The following TUSC3 variants were observed in gnomAD, a reference collection of about 807,000 sequenced individuals.
TUSC3 encodes dolichyl-diphosphooligosaccharide--protein glycosyltransferase subunit TUSC3.
Under a neutral mutation model 44.8 loss-of-function variants are expected in TUSC3, and 45 were observed. The ratio of observed to expected loss-of-function variants is 1.00; its 90% confidence interval spans 0.79 to 1.29. The LOEUF (loss-of-function observed/expected upper bound fraction) is 1.29, where lower values mean the gene tolerates loss of function less well. Ranked by LOEUF, TUSC3 falls within the 50% of genes most tolerant of loss-of-function variation. The pLI, the probability that TUSC3 is intolerant of heterozygous loss-of-function variation, is 0.00. For synonymous variants in TUSC3, 212 were observed against 152.9 expected (o/e 1.39, Z -2.85); for missense variants, 519 against 437.9 (o/e 1.19, Z -1.65).
chr8:15,646,689 C>T (rs1238586502), intron 2 of TUSC3, among the ~76,000 whole-genome samples: 1 of 151,994 alleles, frequency 6.6e-6, no homozygotes, highest in African/African-American at 2.4e-5. Flanking sequence ...AAAAGAACTG[C>T]AGAAGAGGCC....
the TUSC3 span, among the ~76,000 whole-genome samples, chr8:15,786,941 CAAAAAAAAAA>C: frequency 3.2e-3 from 200 of 63,392 alleles, 1 homozygote; most frequent in Middle Eastern, 0.013. Flanking sequence ...GAGACTCCAT[CAAAAAAAAAA>C]AAAAAAAAAA....
At chr8:15,656,654 C>T (rs1050554028) in intron 3 of TUSC3, among the ~76,000 whole-genome samples, 2 of 148,786 alleles carry the variant, frequency 1.3e-5, no homozygotes, top group African/African-American at 5.1e-5. Flanking sequence ...CCCAAGCCCA[C>T]GCAACAGCTC....
chr8:15,849,278 G>A, the TUSC3 span, among the ~76,000 whole-genome samples: 125,032 of 152,114 alleles, frequency 0.82, 51,619 homozygotes, highest in Non-Finnish European at 0.86. Flanking sequence ...TTTAGAGGTA[G>A]TGATATTATA....
the TUSC3 span, chr8:15,807,372 A>C: frequency 3.0e-6 from 1 of 337,424 alleles, no homozygotes; most frequent in Non-Finnish European, 5.5e-6. Flanking sequence ...ACAACAAAAC[A>C]AGGCTGTGGA....
At chr8:15,499,289 T>C (rs1800924342) in intron 2 of TUSC3, among the ~76,000 whole-genome samples, 1 of 152,252 alleles carries the variant, frequency 6.6e-6, no homozygotes, top group Non-Finnish European at 1.5e-5. Flanking sequence ...CATTTACTTT[T>C]CAAACCATAA....
At chr8:15,632,003 G>A (rs766541131) in intron 2 of TUSC3, among the ~76,000 whole-genome samples, 70 of 152,178 alleles carry the variant, frequency 4.6e-4, no homozygotes, top group Middle Eastern at 3.4e-3. Context: ...CACCGTACCC[G>A]GCCAAGGCTA....
chr8:15,643,178 G>A (rs541659165), intron 2 of TUSC3, among the ~76,000 whole-genome samples: 1 of 152,142 alleles, frequency 6.6e-6, no homozygotes, highest in South Asian at 2.1e-4. Context: ...TTTGCCTTCC[G>A]CCATGATCAT....
chr8:15,639,525 A>T (rs1053637913), intron 2 of TUSC3, among the ~76,000 whole-genome samples: 1 of 152,258 alleles, frequency 6.6e-6, no homozygotes, highest in Non-Finnish European at 1.5e-5. Context: ...AAATGAAAAA[A>T]TGACTTTTAA....
chr8:15,471,728 C>A (rs1466196946), intron 1 of TUSC3, among the ~76,000 whole-genome samples: 1 of 151,936 alleles, frequency 6.6e-6, no homozygotes, highest in Non-Finnish European at 1.5e-5. Context: ...AGCTATTCTC[C>A]CGCCTCACCC....
intron 1 of TUSC3, among the ~76,000 whole-genome samples, chr8:15,482,859 T>A (rs1226616157): frequency 6.6e-6 from 1 of 152,244 alleles, no homozygotes; most frequent in African/African-American, 2.4e-5. Context: ...TACATGACTT[T>A]CTTCACCTTT....
the TUSC3 span, chr8:15,806,270 G>T: frequency 1.6e-6 from 1 of 618,952 alleles, no homozygotes; most frequent in Non-Finnish European, 3.1e-6. Context: ...GCAGTCTGGG[G>T]ATGTTCTCAT....
At chr8:15,689,005 A>G (rs1808769879) in intron 6 of TUSC3, 7 of 255,878 alleles carry the variant, frequency 2.7e-5, no homozygotes, top group South Asian at 1.8e-4. Flanking sequence ...TTACAGTCAA[A>G]CAACCGGGCC....
At chr8:15,526,987 A>G (rs1801381322) in intron 2 of TUSC3, among the ~76,000 whole-genome samples, 1 of 152,206 alleles carries the variant, frequency 6.6e-6, no homozygotes, top group Non-Finnish European at 1.5e-5. Flanking sequence ...TGTCATATTC[A>G]AATTTTGTTG....
Position 15,449,673 on chromosome 8 carries a change from T to G in TUSC3, n.91+32368T>G, listed in dbSNP as rs369085273. 5.3e-4 allele frequency among the ~76,000 whole-genome samples: 80 copies of G among 152,288 alleles called. 2 individuals are homozygous for G. In the South Asian group the frequency reaches 0.015, roughly 29 times the overall value. On this transcript the variant is annotated intron_variant and non_coding_transcript_variant, in intron 1 of 5. Transcript: ENST00000503191. ...ACAGGAATTCAGCCTCCACCTTTTC[T>G]CTGGTGTCCCTTTGATCGCAAGGAG... is the stretch of plus-strand genomic sequence containing the variant.
chr8:15,434,638 G>A (rs1473427555), intron 1 of TUSC3, among the ~76,000 whole-genome samples: 9 of 149,286 alleles, frequency 6.0e-5, no homozygotes, highest in East Asian at 2.0e-4. Flanking sequence ...CCATTAACTC[G>A]TCATTTAGCA....
chr8:15,731,494 A>G (rs1208036565), intron 7 of TUSC3, among the ~76,000 whole-genome samples: 1 of 152,128 alleles, frequency 6.6e-6, no homozygotes, highest in African/African-American at 2.4e-5. Flanking sequence ...TATATAACCA[A>G]AGGTGTAAAT....
chr8:15,464,698 T>G (rs190738019), intron 1 of TUSC3, among the ~76,000 whole-genome samples: 4 of 152,310 alleles, frequency 2.6e-5, no homozygotes, highest in African/African-American at 9.6e-5. Context: ...TATGATACTG[T>G]TAAAACTTTT....
intron 1 of TUSC3, among the ~76,000 whole-genome samples, chr8:15,558,232 C>G (rs1175928450): frequency 2.2e-5 from 1 of 46,150 alleles, no homozygotes; most frequent in African/African-American, 5.6e-5. Flanking sequence ...TGAATTTTGT[C>G]AAAGGCTTTT....
chr8:15,730,990 A>T (rs1810699715), intron 7 of TUSC3, among the ~76,000 whole-genome samples: 1 of 152,004 alleles, frequency 6.6e-6, no homozygotes, highest in African/African-American at 2.4e-5. Context: ...TACATTGATG[A>T]TCTCTGGCTA....
Sources: gnomAD v4.1 joint callset for allele counts (sites outside exome capture counted in the v4.1 genomes callset) on GRCh38, gnomAD v4.1.1 for gene constraint, MANE v1.5 for transcripts, NCBI Gene and HGNC (gene_info 2026-07-23, HGNC 2026-07-21) for gene names.